Variants in NRXN1 observed in about 807,000 individuals in gnomAD.
The protein encoded by NRXN1 is neurexin 1.
In NRXN1, 39 loss-of-function variants were observed where a neutral mutation model predicts 150.9. The ratio of observed to expected loss-of-function variants is 0.26; its 90% CI spans 0.20 to 0.34. NRXN1 has a LOEUF of 0.34. NRXN1 is among the 10% of genes least tolerant of loss of function. The probability of loss-of-function intolerance (pLI) is 1.00; values close to 1 mark genes in which losing one functional copy is unlikely to be tolerated. For missense variants in NRXN1, 1,815 were observed against 1,949.9 expected (o/e 0.93, Z 1.30); for synonymous variants, 924 against 757.0 (o/e 1.22, Z -3.62).
At chr2:50,526,666 TC>T (rs1298073363) in intron 12 of NRXN1, 2 of 152,176 alleles carry the variant, frequency 1.3e-5, no homozygotes, top group Non-Finnish European at 2.9e-5. Context: ...TGCTCCCTAT[TC>T]CCCAAATAAA....
intron 21 of NRXN1, among the ~76,000 whole-genome samples, chr2:50,021,735 C>G (rs1468640910): frequency 1.3e-5 from 2 of 152,130 alleles, no homozygotes; most frequent in Non-Finnish European, 2.9e-5. Context: ...ATGTAATATA[C>G]AATCATTTTA....
chr2:50,468,934 G>A (rs1304481591), intron 16 of NRXN1, among the ~76,000 whole-genome samples: 1 of 151,534 alleles, frequency 6.6e-6, no homozygotes, highest in Non-Finnish European at 1.5e-5. Flanking sequence ...AGAGCTGAAT[G>A]TTACAGTTGT....
intron 5 of NRXN1, among the ~76,000 whole-genome samples, chr2:50,856,832 G>A (rs1415196879): frequency 1.3e-5 from 2 of 151,950 alleles, no homozygotes; most frequent in South Asian, 4.1e-4. Flanking sequence ...GCAATATCAC[G>A]TTCCCATGTA....
chr2:50,973,734 G>A (rs1406501131), intron 2 of NRXN1, among the ~76,000 whole-genome samples: 2 of 152,228 alleles, frequency 1.3e-5, no homozygotes, highest in Admixed American at 1.3e-4. Context: ...TTCATTCCTA[G>A]TAGGTAGAAA....
intron 17 of NRXN1, among the ~76,000 whole-genome samples, chr2:50,383,837 A>G (rs2081137099): frequency 6.6e-6 from 1 of 152,132 alleles, no homozygotes; most frequent in Non-Finnish European, 1.5e-5. Context: ...AATCAAATCT[A>G]CTCCTGACAG....
At chr2:50,575,465 C>T (rs186961350) in intron 8 of NRXN1, among the ~76,000 whole-genome samples, 143 of 152,258 alleles carry the variant, frequency 9.4e-4, no homozygotes, top group Middle Eastern at 6.8e-3. Flanking sequence ...TCTGCAGGCA[C>T]CTACTTCCTC....
intron 5 of NRXN1, among the ~76,000 whole-genome samples, chr2:50,690,915 T>C (rs955322451): frequency 6.6e-6 from 1 of 152,242 alleles, no homozygotes; most frequent in Non-Finnish European, 1.5e-5. Flanking sequence ...GTATTATCCA[T>C]GTGAAATATC....
rs368356135 is a variant in NRXN1 at position 50,829,883 on chromosome 2, A to G, written c.832+91986T>C. ...GAATTCTAGAGTTTGAATGAATCCA[A>G]TTAAGTGTGCTCTGTGTGTCTTCTC... On this transcript the variant is annotated intron_variant, in intron 5 of 22. Coordinates refer to ENST00000401669, the MANE Select transcript of NRXN1 (RefSeq NM_001330078.2). Among the ~76,000 whole-genome samples, 9 of 151,900 alleles carry G rather than the reference A, an allele frequency of 5.9e-5. No individual in the cohort carries two copies. In the East Asian group the frequency reaches 1.2e-3, roughly 20 times the overall value.
intron 8 of NRXN1, among the ~76,000 whole-genome samples, chr2:50,582,411 G>A (rs1481323161): frequency 1.4e-5 from 2 of 142,860 alleles, no homozygotes; most frequent in Non-Finnish European, 3.0e-5. Context: ...AGCCAGGGAG[G>A]CAGAGGTTGC....
intron 21 of NRXN1, among the ~76,000 whole-genome samples, chr2:50,014,439 T>G (rs1686234499): frequency 6.6e-6 from 1 of 152,148 alleles, no homozygotes; most frequent in Non-Finnish European, 1.5e-5. Context: ...TGTGGGGGAC[T>G]GACCTGTGCA....
chr2:50,693,826 C>G (rs562364027), intron 5 of NRXN1, among the ~76,000 whole-genome samples: 52 of 152,186 alleles, frequency 3.4e-4, no homozygotes, highest in Non-Finnish European at 6.2e-4. Context: ...GAATCTCACT[C>G]TGTTGTCCAG....
At chr2:50,853,316 T>C (rs1464476303) in intron 5 of NRXN1, among the ~76,000 whole-genome samples, 1 of 152,086 alleles carries the variant, frequency 6.6e-6, no homozygotes, top group Non-Finnish European at 1.5e-5. Context: ...AGTAATAACA[T>C]GCTATAATTG....
At chr2:51,016,846 A>G (rs1009771595) in intron 2 of NRXN1, among the ~76,000 whole-genome samples, 1 of 152,174 alleles carries the variant, frequency 6.6e-6, no homozygotes. Flanking sequence ...AAAGACTTGA[A>G]ACCAACCCAA....
At chr2:50,812,014 A>G (rs972076084) in intron 5 of NRXN1, among the ~76,000 whole-genome samples, 1 of 152,072 alleles carries the variant, frequency 6.6e-6, no homozygotes, top group African/African-American at 2.4e-5. Flanking sequence ...TATATGGCTA[A>G]CTCTTTTAAT....
chr2:50,639,246 A>G (rs1189724143), intron 5 of NRXN1, among the ~76,000 whole-genome samples: 1 of 117,070 alleles, frequency 8.5e-6, no homozygotes, highest in Admixed American at 9.8e-5. Flanking sequence ...TTTGAGACAG[A>G]TTCTTGCTCT....
At chr2:50,184,861 A>C (rs994315872) in intron 18 of NRXN1, among the ~76,000 whole-genome samples, 2 of 152,130 alleles carry the variant, frequency 1.3e-5, no homozygotes, top group African/African-American at 4.8e-5. Flanking sequence ...AGTGGAACCG[A>C]GTCATGCAGG....
intron 17 of NRXN1, among the ~76,000 whole-genome samples, chr2:50,267,643 G>T (rs761530150): frequency 4.6e-5 from 7 of 152,050 alleles, no homozygotes; most frequent in Admixed American, 1.3e-4. Flanking sequence ...AACTAATCAA[G>T]AAATATTTAC....
chr2:50,751,056 G>T (rs576835882), intron 5 of NRXN1, among the ~76,000 whole-genome samples: 8 of 151,920 alleles, frequency 5.3e-5, no homozygotes, highest in African/African-American at 7.2e-5. Flanking sequence ...TAGTGTCAGT[G>T]GCACAGGTAG....
At chr2:50,673,325 A>C (rs777467349) in intron 5 of NRXN1, among the ~76,000 whole-genome samples, 13 of 152,292 alleles carry the variant, frequency 8.5e-5, no homozygotes, top group Non-Finnish European at 1.8e-4. Flanking sequence ...CAATACTAGC[A>C]AAAAGTGCTT....
Sources: allele counts gnomAD v4.1 joint callset (sites outside exome capture counted in the v4.1 genomes callset), GRCh38; gene constraint gnomAD v4.1.1; transcripts MANE v1.5; gene names NCBI Gene and HGNC (gene_info 2026-07-23, HGNC 2026-07-21).